Variants in HDAC4 observed in about 807,000 individuals in gnomAD.
The protein encoded by HDAC4 is histone deacetylase A.
Under a neutral mutation model 135.1 loss-of-function variants are expected in HDAC4, and 16 were observed. The ratio of observed to expected loss-of-function variants is 0.12; its 90% CI spans 0.08 to 0.18. HDAC4 has a LOEUF of 0.18. Ranked by LOEUF, HDAC4 falls within the 10% of genes least tolerant of loss-of-function variation. HDAC4 has a pLI of 1.00. For missense variants in HDAC4, 1,143 were observed against 1,511.8 expected (o/e 0.76, Z 4.05); for synonymous variants, 685 against 653.4 (o/e 1.05, Z -0.74).
At chr2:239,109,471 C>T (rs1000787951) in intron 14 of HDAC4, among the ~76,000 whole-genome samples, 2 of 152,194 alleles carry the variant, frequency 1.3e-5, no homozygotes, top group African/African-American at 4.8e-5. Flanking sequence ...GGTCCAGCTA[C>T]AGGATACACT....
chr2:239,096,422 C>T (rs1379260603), intron 16 of HDAC4, among the ~76,000 whole-genome samples: 2 of 140,956 alleles, frequency 1.4e-5, no homozygotes, highest in South Asian at 2.4e-4. Context: ...ATCACCCCAC[C>T]ACGGACGACT....
rs992979421 is a variant in HDAC4 at position 239,349,251 on chromosome 2, G to C, written c.22+3427C>G. 5.3e-5 allele frequency among the ~76,000 whole-genome samples: 8 copies of C among 152,084 alleles called. No homozygotes were observed. The highest frequency in any genetic ancestry group is 1.9e-4 in the African/African-American group (8 of 41,452). ...ACGGCACGAGAGACACACGGAGGGAGGGGAGGTGCAGCCAGGTAGGCCCCG... is the reference window on the plus strand; with the variant it reads ...ACGGCACGAGAGACACACGGAGGGACGGGAGGTGCAGCCAGGTAGGCCCCG... On this transcript the variant is annotated intron_variant, in intron 2 of 26. Transcript: ENST00000543185. This position sits in a 1 kb window ranked among gnomAD's most constrained non-coding sequence, Gnocchi z 5.7.
At position 239,052,996 on chromosome 2, in the gene HDAC4, G is replaced by T; in HGVS notation, c.*101C>A. On this transcript the variant is annotated 3_prime_UTR_variant, in exon 27 of 27. Coordinates refer to ENST00000543185, the MANE Select transcript of HDAC4 (RefSeq NM_001378414.1). ...CGCTGGGTGTCCCTGGGTGCTCCAAGAGAGCCCCACGGTGGGACGCAGGCG... is the reference window on the plus strand; with the variant it reads ...CGCTGGGTGTCCCTGGGTGCTCCAATAGAGCCCCACGGTGGGACGCAGGCG... 1 of 1,412,626 alleles carries T rather than the reference G, an allele frequency of 7.1e-7. No homozygotes were observed. Among genetic ancestry groups the T allele is most frequent in the South Asian group, 1.1e-5 (1 of 87,028 alleles). 87.5% of individuals were successfully genotyped at this position (1,412,626 alleles called of 1,614,324 possible).
At chr2:239,203,159 G>C (rs1420633272) in intron 3 of HDAC4, among the ~76,000 whole-genome samples, 3 of 152,198 alleles carry the variant, frequency 2.0e-5, no homozygotes, top group East Asian at 3.9e-4. Flanking sequence ...CAGCAAGAGA[G>C]CGGGAAACAC....
At chr2:239,102,664 A>C in intron 16 of HDAC4, 112 bp downstream of exon 16, 1 of 1,249,052 alleles carries the variant, frequency 8.0e-7, no homozygotes, top group East Asian at 2.4e-5. Flanking sequence ...TTTACCTTAT[A>C]ACCTGGCAGG....
intron 3 of HDAC4, among the ~76,000 whole-genome samples, chr2:239,209,548 G>A (rs6543517): frequency 0.067 from 10,204 of 152,298 alleles, 1,100 homozygotes; most frequent in African/African-American, 0.23. Context: ...AGACTCAAAT[G>A]TGAAAGACAA....
At chr2:239,096,362 T>A (rs1575007597) in intron 16 of HDAC4, among the ~76,000 whole-genome samples, 1 of 65,648 alleles carries the variant, frequency 1.5e-5, no homozygotes, top group African/African-American at 6.7e-5. Flanking sequence ...CACCGACAGA[T>A]GCCTGCAACC....
Position 239,066,835 on chromosome 2 carries a change from G to T in HDAC4, c.2890C>A (p.Gln964Lys). The T allele has an allele frequency of 6.2e-7, 1 of 1,613,516 alleles. No homozygotes were observed. The highest frequency in any genetic ancestry group is 1.3e-5 in the African/African-American group (1 of 75,064). Reference sequence around the variant, plus strand: ...CGGCCGCCAGCCAGGCCCATCAGCTGCTTCGTCAGGTACCCGAAGCCTGCA... The same window carrying T: ...CGGCCGCCAGCCAGGCCCATCAGCTTCTTCGTCAGGTACCCGAAGCCTGCA... ...SARCFGYLTK[Q>K]LMGLAGGRIV... The change falls in exon 24 of 27, where the codon CAG becomes AAG. Residue 964 changes from glutamine (Q) to lysine (K), a missense_variant. Transcript: ENST00000543185.
intron 2 of HDAC4, among the ~76,000 whole-genome samples, chr2:239,268,872 C>A (rs767710826): frequency 2.6e-5 from 4 of 152,184 alleles, no homozygotes; most frequent in African/African-American, 4.8e-5. Context: ...GCCAGGCTCC[C>A]TACCCCCACA....
At position 239,111,544 on chromosome 2, in the gene HDAC4, T is replaced by G. The variant is rs1381675852; in HGVS notation, c.1960A>C (p.Lys654Gln). The change falls in exon 14 of 27, where the codon AAG becomes CAG. Residue 654 changes from lysine to glutamine, a missense_variant. By Grantham distance (53) the Lys-to-Gln change is moderately conservative. This residue lies in a region of HDAC4 where 196 missense variants were observed against 210.7 expected (regional missense o/e 0.93). Transcript: ENST00000543185. The stretch of plus-strand genomic sequence containing the variant: ...GTGTTACCTGTCGTGAACCTCGGCT[T>G]GGTGGGGGGCTCCTGCACAGACACG... ...FPVSVQEPPT[K>Q]PRFTTGLVYD... 5.6e-6 allele frequency: 9 copies of G among 1,612,312 alleles called. No individual in the cohort carries two copies. Among genetic ancestry groups the G allele is most frequent in the Non-Finnish European group, 7.6e-6 (9 of 1,179,734 alleles).
At chr2:239,092,849 C>CT (rs148261813) in intron 17 of HDAC4, among the ~76,000 whole-genome samples, 196 of 146,900 alleles carry the variant, frequency 1.3e-3, no homozygotes, top group African/African-American at 2.8e-3. Flanking sequence ...TGTTTCGTTT[C>CT]TTTTTTTTTT....
chr2:239,219,559 GTATACATA>G (rs1390317316), intron 3 of HDAC4, among the ~76,000 whole-genome samples: 8 of 151,798 alleles, frequency 5.3e-5, no homozygotes, highest in Non-Finnish European at 1.0e-4. Flanking sequence ...CATGGCACAT[GTATACATA>G]TGTAACTAAC....
chr2:239,226,105 G>C (rs1232350607), intron 3 of HDAC4, among the ~76,000 whole-genome samples: 2 of 152,214 alleles, frequency 1.3e-5, no homozygotes, highest in South Asian at 4.1e-4. Context: ...GAGGGGCTCC[G>C]CAGGCCCTCT....
intron 16 of HDAC4, among the ~76,000 whole-genome samples, chr2:239,095,279 T>G (rs1409736477): frequency 1.3e-5 from 2 of 152,080 alleles, no homozygotes; most frequent in Non-Finnish European, 1.5e-5. Context: ...TCACAGACCC[T>G]GGTGGGGACA....
At chr2:239,058,970 A>T (rs2032275854) in intron 24 of HDAC4, among the ~76,000 whole-genome samples, 1 of 152,220 alleles carries the variant, frequency 6.6e-6, no homozygotes, top group African/African-American at 2.4e-5. Context: ...CCCGTAAAGC[A>T]AGTCGCCACA....
chr2:239,396,007 C>T (rs1437327457), intron 1 of HDAC4, among the ~76,000 whole-genome samples: 2 of 152,152 alleles, frequency 1.3e-5, no homozygotes, highest in African/African-American at 2.4e-5. Flanking sequence ...CCCAGGGTCT[C>T]GCTGTGTCAC....
intron 19 of HDAC4, among the ~76,000 whole-genome samples, chr2:239,086,529 A>C (rs1323358785): frequency 2.0e-5 from 3 of 150,752 alleles, no homozygotes; most frequent in Non-Finnish European, 3.0e-5. Context: ...GGATCTGACT[A>C]TCTCTCACGT....
At chr2:239,080,714 T>G (rs2035229304) in intron 22 of HDAC4, among the ~76,000 whole-genome samples, 1 of 152,200 alleles carries the variant, frequency 6.6e-6, no homozygotes, top group Non-Finnish European at 1.5e-5. Context: ...CCATTGGACA[T>G]CACATCACAG....
At position 239,349,600 on chromosome 2, in the gene HDAC4, G is replaced by A. The variant is rs975356941; in HGVS notation, c.22+3078C>T. ...GGGCCTCGCCCAGGAGGGAGGGCAC[G>A]GTTCTGGGCAAGCCCCATCCCCCGC... is the stretch of plus-strand genomic sequence containing the variant. On this transcript the variant is annotated intron_variant, in intron 2 of 26. Coordinates refer to ENST00000543185, the MANE Select transcript of HDAC4 (RefSeq NM_001378414.1). The surrounding 1 kb of genome is among the most constrained non-coding windows in gnomAD (Gnocchi z 5.7). Among the ~76,000 whole-genome samples the A allele has an allele frequency of 5.3e-5, 8 of 152,288 alleles. No homozygotes were observed. The highest frequency in any genetic ancestry group is 2.1e-4 in the South Asian group (1 of 4,830).
Sources: gnomAD v4.1 joint callset for allele counts (sites outside exome capture counted in the v4.1 genomes callset) on GRCh38, gnomAD v4.1.1 for gene constraint, gnomAD v4.1.1 regional missense constraint, Gnocchi (gnomAD v3.1) non-coding constraint, MANE v1.5 for transcripts, NCBI Gene and HGNC (gene_info 2026-07-23, HGNC 2026-07-21) for gene names.